The following GABRB1 variants were observed in gnomAD, a reference collection of about 807,000 sequenced individuals.
The protein encoded by GABRB1 is gamma-aminobutyric acid type A receptor subunit beta1.
A neutral mutation model predicts 51.6 loss-of-function variants in GABRB1; 17 were observed. The observed-to-expected ratio is 0.33, with a 90% CI of 0.23 to 0.49. The LOEUF (loss-of-function observed/expected upper bound fraction) is 0.49. Among genes scored for constraint, GABRB1 ranks in the 20% least tolerant of loss-of-function variants. GABRB1 has a pLI of 0.99. For missense variants in GABRB1, 410 were observed against 600.6 expected (o/e 0.68, Z 3.32); for synonymous variants, 247 against 218.9 (o/e 1.13, Z -1.14).
At chr4:47,350,137 A>G (rs896914491) in intron 5 of GABRB1, among the ~76,000 whole-genome samples, 1 of 143,846 alleles carries the variant, frequency 7.0e-6, no homozygotes, top group Admixed American at 7.2e-5. Context: ...ACTTTACATT[A>G]GTTCTTATTT....
intron 5 of GABRB1, among the ~76,000 whole-genome samples, chr4:47,385,668 C>T (rs534881498): frequency 6.6e-6 from 1 of 152,294 alleles, no homozygotes; most frequent in Admixed American, 6.5e-5. Context: ...GATTCTAACA[C>T]TCAAGAGTTA....
At chr4:47,291,528 A>G (rs373122598) in intron 4 of GABRB1, among the ~76,000 whole-genome samples, 98 of 152,284 alleles carry the variant, frequency 6.4e-4, no homozygotes, top group African/African-American at 2.3e-3. Flanking sequence ...ATTCACCAAC[A>G]GCTTGCACCA....
At chr4:47,086,966 C>A (rs1035809858) in intron 3 of GABRB1, among the ~76,000 whole-genome samples, 3 of 152,184 alleles carry the variant, frequency 2.0e-5, no homozygotes, top group Non-Finnish European at 4.4e-5. Flanking sequence ...GTGTGGAGAA[C>A]CATGCTGTGT....
chr4:47,425,742 G>C lies in GABRB1; in HGVS notation c.1149G>C (p.Val383=), dbSNP rs1266504573. The part of the protein sequence containing the change: ...EIRNETSGSE[V]LTSVSDPKAT... ...GGAATGAGACGAGTGGCTCGGAAGT[G>C]CTCACGAGCGTGAGCGACCCCAAGG... The change falls in exon 9 of 9, where the codon GTG becomes GTC. Residue 383 remains valine, a synonymous_variant. Transcript: ENST00000295454. The C allele has an allele frequency of 1.2e-6, 2 of 1,614,144 alleles. No homozygotes were observed. The highest frequency in any genetic ancestry group is 1.7e-6 in the Non-Finnish European group (2 of 1,179,990).
intron 4 of GABRB1, among the ~76,000 whole-genome samples, chr4:47,164,497 C>T (rs1048134069): frequency 6.6e-6 from 1 of 151,984 alleles, no homozygotes; most frequent in South Asian, 2.1e-4. Context: ...TGTCTTATTC[C>T]TTTCCATCAG....
At chr4:47,180,566 T>C (rs1031021071) in intron 4 of GABRB1, among the ~76,000 whole-genome samples, 24 of 152,178 alleles carry the variant, frequency 1.6e-4, no homozygotes, top group Admixed American at 3.3e-4. Flanking sequence ...TAAATTAACT[T>C]TGGATCAACT....
chr4:47,207,118 TA>T (rs1397435776), intron 4 of GABRB1, among the ~76,000 whole-genome samples: 3 of 151,932 alleles, frequency 2.0e-5, no homozygotes, highest in Non-Finnish European at 4.4e-5. Flanking sequence ...TAGAATTTAT[TA>T]GTGTGTTCAA....
intron 3 of GABRB1, among the ~76,000 whole-genome samples, chr4:47,073,812 C>T (rs1727440420): frequency 6.6e-6 from 1 of 152,112 alleles, no homozygotes; most frequent in East Asian, 1.9e-4. Context: ...AGATGGGAAA[C>T]CTCTTTTCAT....
At chr4:47,163,324 C>T (rs1377570276) in intron 4 of GABRB1, among the ~76,000 whole-genome samples, 2 of 151,952 alleles carry the variant, frequency 1.3e-5, no homozygotes, top group East Asian at 1.9e-4. Flanking sequence ...TTATTAGGTA[C>T]TGGGCAAACT....
At chr4:47,418,013 G>T (rs1480134146) in intron 8 of GABRB1, among the ~76,000 whole-genome samples, 1 of 152,098 alleles carries the variant, frequency 6.6e-6, no homozygotes, top group African/African-American at 2.4e-5. Flanking sequence ...AGATGGAAGG[G>T]GTGGAAGAAA....
intron 5 of GABRB1, among the ~76,000 whole-genome samples, chr4:47,367,402 A>C (rs1727015314): frequency 6.6e-6 from 1 of 152,208 alleles, no homozygotes; most frequent in Non-Finnish European, 1.5e-5. Flanking sequence ...TTTATGGCTA[A>C]AGTCAAAGCT....
Position 47,267,719 on chromosome 4 carries a change from C to T in GABRB1, c.462-52408C>T, listed in dbSNP as rs542505599. ...CTGAGGCAGGAGAATTGCTTGAACC[C>T]GGGAGGCGGAGGTTGCAGTGAGCTG... On this transcript the variant is annotated intron_variant, in intron 4 of 8. Coordinates refer to ENST00000295454, the MANE Select transcript of GABRB1 (RefSeq NM_000812.4). Among the ~76,000 whole-genome samples, 4 of 152,112 alleles carry T rather than the reference C, an allele frequency of 2.6e-5. No individual in the cohort carries two copies. The South Asian group carries it at 8.3e-4, about 32-fold the overall frequency.
Position 47,212,101 on chromosome 4 carries a change from A to C in GABRB1, c.461+50632A>C, listed in dbSNP as rs140709940. ...GCAAAGGGAATGGAACAGTTATCAGAACCCGAAAAGAGCTGTATAGAAAAG... is the reference window on the plus strand; with the variant it reads ...GCAAAGGGAATGGAACAGTTATCAGCACCCGAAAAGAGCTGTATAGAAAAG... On this transcript the variant is annotated intron_variant, in intron 4 of 8. Coordinates refer to ENST00000295454, the MANE Select transcript of GABRB1 (RefSeq NM_000812.4). Among the ~76,000 whole-genome samples the C allele has an allele frequency of 1.6e-4, 24 of 152,160 alleles. 1 individual carries two copies. The East Asian group carries it at 4.7e-3, about 30-fold the overall frequency.
intron 4 of GABRB1, among the ~76,000 whole-genome samples, chr4:47,164,927 C>A (rs1577965966): frequency 1.3e-5 from 2 of 152,050 alleles, no homozygotes; most frequent in Admixed American, 1.3e-4. Context: ...CTTAGGTCAC[C>A]CTCCTGTGAC....
intron 4 of GABRB1, among the ~76,000 whole-genome samples, chr4:47,298,319 G>C (rs895280851): frequency 7.2e-5 from 11 of 152,330 alleles, no homozygotes; most frequent in Non-Finnish European, 1.5e-4. Flanking sequence ...CAGATGACAT[G>C]ATTGTGTATC....
intron 4 of GABRB1, among the ~76,000 whole-genome samples, chr4:47,249,814 G>A (rs538038297): frequency 6.6e-6 from 1 of 152,178 alleles, no homozygotes; most frequent in African/African-American, 2.4e-5. Context: ...AAGTTTATGT[G>A]ATCCCTTATG....
At chr4:47,093,219 C>G (rs183489079) in intron 3 of GABRB1, among the ~76,000 whole-genome samples, 8 of 152,128 alleles carry the variant, frequency 5.3e-5, no homozygotes, top group Admixed American at 5.2e-4. Context: ...TTTTTAGATG[C>G]GTGTGACTAA....
In GABRB1 at chr4:47,339,851, A is replaced by C. The variant is rs562426647; in HGVS notation, c.544+19642A>C. 1.6e-4 allele frequency among the ~76,000 whole-genome samples: 24 copies of C among 151,712 alleles called. 1 individual carries two copies. Among genetic ancestry groups the C allele is most frequent in the Middle Eastern group, 6.8e-3 (2 of 294 alleles). ...CACACACACACACACACACACACAC[A>C]CACACCCCACTTTGGGAAACTTAAT... is the stretch of plus-strand genomic sequence containing the variant. On this transcript the variant is annotated intron_variant, in intron 5 of 8. Transcript: ENST00000295454.
intron 4 of GABRB1, among the ~76,000 whole-genome samples, chr4:47,245,344 T>C (rs1162786105): frequency 6.6e-6 from 1 of 152,210 alleles, no homozygotes; most frequent in African/African-American, 2.4e-5. Flanking sequence ...CTAACAGTTT[T>C]GCTTTGTAAA....
Sources: allele counts gnomAD v4.1 joint callset (sites outside exome capture counted in the v4.1 genomes callset), GRCh38; gene constraint gnomAD v4.1.1; transcripts MANE v1.5; gene names NCBI Gene and HGNC (gene_info 2026-07-23, HGNC 2026-07-21).